The following ZNF385B variants were observed in gnomAD, a reference collection of about 807,000 sequenced individuals.
The protein encoded by ZNF385B is zinc finger protein 533.
In ZNF385B, 23 loss-of-function variants were observed where a neutral mutation model predicts 39.2. The ratio of observed to expected loss-of-function variants is 0.59; its 90% CI spans 0.42 to 0.83. ZNF385B has a LOEUF of 0.83. ZNF385B is among the 40% of genes least tolerant of loss of function. The pLI is 0.00. For missense variants in ZNF385B, 552 were observed against 598.9 expected (o/e 0.92, Z 0.82); for synonymous variants, 205 against 222.6 (o/e 0.92, Z 0.70).
intron 3 of ZNF385B, among the ~76,000 whole-genome samples, chr2:179,655,341 C>G (rs897381916): frequency 2.0e-5 from 3 of 151,962 alleles, no homozygotes; most frequent in Non-Finnish European, 4.4e-5. Context: ...AGAAGATAAG[C>G]TGAAAAGGCA....
intron 4 of ZNF385B, 94 bp downstream of exon 4, chr2:179,544,733 A>C: frequency 1.3e-6 from 2 of 1,494,462 alleles, no homozygotes; most frequent in Middle Eastern, 1.9e-4. Context: ...CTAAAATTAC[A>C]CACTTTGGAA....
At chr2:179,855,563 C>T (rs778262555) in intron 1 of ZNF385B, among the ~76,000 whole-genome samples, 3 of 152,080 alleles carry the variant, frequency 2.0e-5, no homozygotes, top group Non-Finnish European at 4.4e-5. Flanking sequence ...AGCAAAAGGG[C>T]AATTGTTTTG....
At chr2:179,456,963 A>G (rs2050770539) in intron 6 of ZNF385B, among the ~76,000 whole-genome samples, 1 of 152,180 alleles carries the variant, frequency 6.6e-6, no homozygotes, top group Non-Finnish European at 1.5e-5. Flanking sequence ...ATACATTTTA[A>G]TGTATGTATA....
intron 1 of ZNF385B, among the ~76,000 whole-genome samples, chr2:179,854,636 C>T (rs773056715): frequency 2.6e-5 from 4 of 152,100 alleles, no homozygotes; most frequent in African/African-American, 9.7e-5. Flanking sequence ...CTACACTATC[C>T]GTCAGATGGA....
chr2:179,443,098 G>T lies in ZNF385B; in HGVS notation c.*152C>A. The T allele has an allele frequency of 1.2e-6, 1 of 809,988 alleles. No individual in the cohort carries two copies. The highest frequency in any genetic ancestry group is 2.1e-6 in the Non-Finnish European group (1 of 483,226). The allele number at this position is 809,988 out of a possible 1,614,324, so 50.2% of individuals were successfully genotyped here. The stretch of plus-strand genomic sequence containing the variant: ...TAAAAGCCCTCGTCAATCTAGTGAT[G>T]TGTTTCTCTCTGGAATTGGGGGACT... On this transcript the variant is annotated 3_prime_UTR_variant, in exon 10 of 10. Coordinates refer to ENST00000410066, the MANE Select transcript of ZNF385B (RefSeq NM_152520.6).
At chr2:179,740,270 A>G (rs76033546) in intron 3 of ZNF385B, among the ~76,000 whole-genome samples, 16,572 of 152,148 alleles carry the variant, frequency 0.11, 1,557 homozygotes, top group East Asian at 0.48. Context: ...AGTACTATAG[A>G]TCTCCAAGTG....
Position 179,445,610 on chromosome 2 carries a change from G to C in ZNF385B, c.1080C>G (p.Asn360Lys). Residue 360 changes from asparagine to lysine, a missense_variant, in exon 8 of 10, where the codon AAC (asparagine) becomes AAG (lysine). Asn to Lys is a moderately conservative substitution (Grantham distance 94, BLOSUM62 0). Transcript: ENST00000410066. ...CACAGATTTCACAATGAAATGTCTT[G>C]TTCTGTAGTCCTGACCCCTTACTGC... ...QNGSKGSGLQNKTFHCEICDV... is the reference protein window; with the variant it reads ...QNGSKGSGLQKKTFHCEICDV... 6.2e-7 allele frequency: 1 copy of C among 1,613,830 alleles called. No homozygotes were observed. The highest frequency in any genetic ancestry group is 8.5e-7 in the Non-Finnish European group (1 of 1,179,896).
rs1688963029 is a variant in ZNF385B, at chr2:179,607,961, C to T, written c.299-62992G>A. 3.8e-5 allele frequency among the ~76,000 whole-genome samples: 5 copies of T among 131,186 alleles called. No individual in the cohort carries two copies. The South Asian group carries it at 1.2e-3, about 32-fold the overall frequency. 86.1% of individuals were successfully genotyped at this position (131,186 alleles called of 152,430 possible). ...GGGAGTTTTACTCTTGTTGCCCAGG[C>T]TGGAGTGCAATGGCGCAATCCTGGC... On this transcript the variant is annotated intron_variant, in intron 3 of 9. Coordinates refer to ENST00000410066, the MANE Select transcript of ZNF385B (RefSeq NM_152520.6).
At chr2:179,466,486 C>CTGTT (rs1330244378) in intron 6 of ZNF385B, among the ~76,000 whole-genome samples, 1 of 152,082 alleles carries the variant, frequency 6.6e-6, no homozygotes, top group East Asian at 1.9e-4. Flanking sequence ...TATAGGTATT[C>CTGTT]TGTTTGGAAA....
chr2:179,523,866 T>G (rs2058681545), intron 4 of ZNF385B, among the ~76,000 whole-genome samples: 2 of 152,196 alleles, frequency 1.3e-5, no homozygotes, highest in African/African-American at 4.8e-5. Context: ...GACTGAAGCC[T>G]TAAACTCATA....
At chr2:179,601,387 A>C (rs1360348256) in intron 3 of ZNF385B, among the ~76,000 whole-genome samples, 1 of 152,206 alleles carries the variant, frequency 6.6e-6, no homozygotes, top group East Asian at 1.9e-4. Context: ...ATATAGGATT[A>C]TCATTTTTAT....
rs1705030532 is a variant in ZNF385B, at chr2:179,786,747, TG to T, written c.-154-16076del. On this transcript the variant is annotated intron_variant, in intron 1 of 9. Transcript: ENST00000410066. ...ATTTAAAGATATTTAGAATATTTTTTGTTTTTGTATTTGTGCCTTCATGTAT... is the reference window on the plus strand; with the variant it reads ...ATTTAAAGATATTTAGAATATTTTTTTTTTTGTATTTGTGCCTTCATGTAT... Among the ~76,000 whole-genome samples, 2 of 152,042 alleles carry T rather than the reference TG, an allele frequency of 1.3e-5. 1 individual carries two copies. The highest frequency in any genetic ancestry group is 4.8e-5 in the African/African-American group (2 of 41,444).
chr2:179,857,806 G>A (rs1222586066), intron 1 of ZNF385B, among the ~76,000 whole-genome samples: 1 of 152,150 alleles, frequency 6.6e-6, no homozygotes, highest in Admixed American at 6.5e-5. Flanking sequence ...ATCACCTAGT[G>A]CCGTGCTTGT....
In ZNF385B at chr2:179,686,475, G is replaced by C. The variant is rs114668879; in HGVS notation, c.298+83028C>G. ...TACATTAGAAATTGGCTTGGGGAAA[G>C]GAAGGCTGAAGGAGATCTGGGTTCT... On this transcript the variant is annotated intron_variant, in intron 3 of 9. Coordinates refer to ENST00000410066, the MANE Select transcript of ZNF385B (RefSeq NM_152520.6). Among the ~76,000 whole-genome samples the C allele has an allele frequency of 5.3e-3, 805 of 152,286 alleles. 5 individuals carry two copies. Among genetic ancestry groups the C allele is most frequent in the African/African-American group, 0.018 (764 of 41,562 alleles).
chr2:179,461,956 C>T (rs779277076), intron 6 of ZNF385B, among the ~76,000 whole-genome samples: 1 of 152,106 alleles, frequency 6.6e-6, no homozygotes, highest in Non-Finnish European at 1.5e-5. Flanking sequence ...AGCAAAGAAG[C>T]CCCAAAACTT....
chr2:179,561,720 T>C (rs1157369671), intron 3 of ZNF385B, among the ~76,000 whole-genome samples: 1 of 152,116 alleles, frequency 6.6e-6, no homozygotes, highest in Non-Finnish European at 1.5e-5. Flanking sequence ...AAGTACCTAC[T>C]GTATACATAC....
intron 3 of ZNF385B, among the ~76,000 whole-genome samples, chr2:179,726,005 C>T (rs1700996154): frequency 6.6e-6 from 1 of 151,236 alleles, no homozygotes; most frequent in Non-Finnish European, 1.5e-5. Context: ...AAAAGATCTA[C>T]AGTGTTCTTA....
At chr2:179,670,044 C>T (rs1316858332) in intron 3 of ZNF385B, among the ~76,000 whole-genome samples, 1 of 152,082 alleles carries the variant, frequency 6.6e-6, no homozygotes, top group Non-Finnish European at 1.5e-5. Context: ...GTAATCCCAG[C>T]ACTTTGGGAG....
chr2:179,779,932 C>T (rs77458322), intron 1 of ZNF385B, among the ~76,000 whole-genome samples: 1,883 of 151,942 alleles, frequency 0.012, 45 homozygotes, highest in African/African-American at 0.042. Context: ...TTTTTAAGTA[C>T]CTAGGACAGT....
Sources: gnomAD v4.1 joint callset for allele counts (sites outside exome capture counted in the v4.1 genomes callset) on GRCh38, gnomAD v4.1.1 for gene constraint, MANE v1.5 for transcripts, NCBI Gene and HGNC (gene_info 2026-07-23, HGNC 2026-07-21) for gene names.